The following CNTNAP4 variants were observed in gnomAD, a reference collection of about 807,000 sequenced individuals.
CNTNAP4 encodes the protein contactin-associated protein-like 4.
A neutral mutation model predicts 148.4 loss-of-function variants in CNTNAP4; 98 were observed. The ratio of observed to expected loss-of-function variants is 0.66; its 90% CI spans 0.56 to 0.78. The LOEUF is 0.78. Ranked by LOEUF, CNTNAP4 falls within the 30% of genes least tolerant of loss-of-function variation. CNTNAP4 has a pLI of 0.00. For synonymous variants in CNTNAP4, 730 were observed against 565.1 expected, an observed-to-expected ratio of 1.29 and a Z score of -4.14; for missense variants, 1,935 against 1,565.6, an observed-to-expected ratio of 1.24 and a Z score of -3.98.
At chr16:76,417,027 C>T (rs34732074) in intron 3 of CNTNAP4, among the ~76,000 whole-genome samples, 49,784 of 151,114 alleles carry the variant, frequency 0.33, 8,849 homozygotes, top group Middle Eastern at 0.48. Context: ...GTAGCTCCTT[C>T]GGCTTTTATT....
At chr16:76,304,214 C>T (rs1960256587) in intron 1 of CNTNAP4, among the ~76,000 whole-genome samples, 1 of 152,080 alleles carries the variant, frequency 6.6e-6, no homozygotes, top group Non-Finnish European at 1.5e-5. Context: ...TGCCTAAGAT[C>T]ATGTAGTACT....
At chr16:76,384,605 T>C (rs1268115485) in intron 3 of CNTNAP4, among the ~76,000 whole-genome samples, 2 of 152,148 alleles carry the variant, frequency 1.3e-5, no homozygotes, top group Admixed American at 1.3e-4. Flanking sequence ...ATGAGTTGAT[T>C]AATCTCCTTG....
In CNTNAP4 at chr16:76,369,876, G is replaced by A. The variant is rs115173881; in HGVS notation, c.390+14365G>A. Among the ~76,000 whole-genome samples, 1,351 of 151,808 alleles carry A rather than the reference G, an allele frequency of 8.9e-3. 16 individuals are homozygous for A. The highest frequency in any genetic ancestry group is 0.026 in the African/African-American group (1,076 of 41,404). ...GAGGGAGGGAGAGAGAGAGAGAGAG[G>A]ATTTGCCCTTTCTCCTCCGTTTTGT... On this transcript the variant is annotated intron_variant, in intron 3 of 23. Coordinates refer to ENST00000611870, the MANE Select transcript of CNTNAP4 (RefSeq NM_033401.5).
At chr16:76,403,276 G>A (rs571174835) in intron 3 of CNTNAP4, among the ~76,000 whole-genome samples, 99 of 152,040 alleles carry the variant, frequency 6.5e-4, no homozygotes, top group African/African-American at 2.3e-3. Context: ...TGTATTTTTA[G>A]TAGAGATGGG....
At chr16:76,518,040 C>T (rs535629277) in intron 15 of CNTNAP4, among the ~76,000 whole-genome samples, 13 of 152,112 alleles carry the variant, frequency 8.5e-5, no homozygotes, top group East Asian at 5.8e-4. Flanking sequence ...TCCTCTTTTA[C>T]GTGAATGACT....
intron 3 of CNTNAP4, among the ~76,000 whole-genome samples, chr16:76,420,930 A>G (rs1218271691): frequency 7.2e-5 from 11 of 152,036 alleles, no homozygotes; most frequent in Admixed American, 5.3e-4. Context: ...GTCCATCTCA[A>G]TAAAAATTTA....
chr16:76,553,269 CTT>C lies in CNTNAP4; in HGVS notation c.3443-12_3443-11del. The C allele has an allele frequency of 6.5e-7, 1 of 1,540,712 alleles. No individual in the cohort carries two copies. The highest frequency in any genetic ancestry group is 8.9e-7 in the Non-Finnish European group (1 of 1,122,996). ...TTTCACTACTAATATTTCGGTGTTT[CTT>C]TGAATTTCTAGAACACAGTGATGTG... On this transcript the variant is annotated splice_polypyrimidine_tract_variant and intron_variant, in intron 21 of 23. Coordinates refer to ENST00000611870, the MANE Select transcript of CNTNAP4 (RefSeq NM_033401.5).
intron 15 of CNTNAP4, among the ~76,000 whole-genome samples, chr16:76,514,487 C>G (rs1046338619): frequency 6.6e-6 from 1 of 152,106 alleles, no homozygotes; most frequent in Non-Finnish European, 1.5e-5. Flanking sequence ...TTTGTAAGAT[C>G]TTTTGATTAT....
intron 8 of CNTNAP4, 128 bp from the exon 9 acceptor site, chr16:76,461,828 C>A: frequency 1.4e-6 from 1 of 706,464 alleles, no homozygotes; most frequent in African/African-American, 1.8e-5. Context: ...TTGTTGATGT[C>A]ATTGTTTTTA....
At chr16:76,285,073 T>G (rs1238282981) in intron 1 of CNTNAP4, among the ~76,000 whole-genome samples, 1 of 152,036 alleles carries the variant, frequency 6.6e-6, no homozygotes. Flanking sequence ...AGAATGTACA[T>G]GCCAAACGCA....
intron 8 of CNTNAP4, among the ~76,000 whole-genome samples, chr16:76,460,768 A>AT (rs1568265367): frequency 1.3e-4 from 9 of 69,280 alleles, no homozygotes; most frequent in African/African-American, 4.4e-4. Context: ...AAAAAAAAAA[A>AT]AAAAAATATA....
intron 4 of CNTNAP4, among the ~76,000 whole-genome samples, chr16:76,434,550 C>T (rs2079742139): frequency 6.6e-6 from 1 of 152,214 alleles, no homozygotes; most frequent in African/African-American, 2.4e-5. Flanking sequence ...CTGTCTTCTG[C>T]AGAGGCCAAA....
At chr16:76,316,116 C>A in intron 1 of CNTNAP4, 2 of 441,096 alleles carry the variant, frequency 4.5e-6, no homozygotes, top group East Asian at 3.4e-5. Flanking sequence ...AATTTTCATA[C>A]AGTTAAATTT....
At chr16:76,355,273 A>C (rs1203423899) in intron 2 of CNTNAP4, 45 bp from the exon 3 acceptor site, 1 of 1,413,804 alleles carries the variant, frequency 7.1e-7, no homozygotes, top group African/African-American at 1.4e-5. Flanking sequence ...ATTTTTAACT[A>C]ACTTTCCTTT....
At chr16:76,543,569 G>A (rs1465506237) in intron 21 of CNTNAP4, among the ~76,000 whole-genome samples, 1 of 152,240 alleles carries the variant, frequency 6.6e-6, no homozygotes, top group Non-Finnish European at 1.5e-5. Context: ...TCTGTCTACA[G>A]GGATGGAGAA....
At chr16:76,344,886 A>G (rs1483952139) in intron 2 of CNTNAP4, among the ~76,000 whole-genome samples, 1 of 152,204 alleles carries the variant, frequency 6.6e-6, no homozygotes, top group Non-Finnish European at 1.5e-5. Flanking sequence ...ATGTACTCAT[A>G]TGATGTCATG....
intron 3 of CNTNAP4, among the ~76,000 whole-genome samples, chr16:76,414,944 C>A (rs1164665071): frequency 1.4e-5 from 2 of 139,114 alleles, no homozygotes; most frequent in African/African-American, 2.7e-5. Context: ...ACGTTCTTTT[C>A]AAAAACCAAC....
chr16:76,497,962 A>C (rs1023326314), intron 14 of CNTNAP4, among the ~76,000 whole-genome samples: 1 of 152,254 alleles, frequency 6.6e-6, no homozygotes, highest in African/African-American at 2.4e-5. Flanking sequence ...ACTAAATGTT[A>C]ATGTATTAAC....
chr16:76,334,064 TAGA>T (rs1963797485), intron 2 of CNTNAP4, among the ~76,000 whole-genome samples: 1 of 152,008 alleles, frequency 6.6e-6, no homozygotes, highest in South Asian at 2.1e-4. Flanking sequence ...ATGTCCTTTG[TAGA>T]TATACCTAAC....
Sources: allele counts gnomAD v4.1 joint callset (sites outside exome capture counted in the v4.1 genomes callset), GRCh38; gene constraint gnomAD v4.1.1; transcripts MANE v1.5; gene names NCBI Gene and HGNC (gene_info 2026-07-23, HGNC 2026-07-21).